CHST11: variants seen among roughly 807,000 people sequenced by gnomAD.
CHST11 encodes C4S-1.
Under a neutral mutation model 30.4 loss-of-function variants are expected in CHST11, and 9 were observed. That is an observed-to-expected ratio of 0.30 (90% confidence interval 0.18 to 0.52). The LOEUF (loss-of-function observed/expected upper bound fraction) is 0.52, where lower values mean the gene tolerates loss of function less well. Among genes scored for constraint, CHST11 ranks in the 20% least tolerant of loss-of-function variants. The pLI is 0.97. For missense variants in CHST11, 348 were observed against 460.6 expected (o/e 0.76, Z 2.24); for synonymous variants, 152 against 187.8 (o/e 0.81, Z 1.56).
intron 2 of CHST11, among the ~76,000 whole-genome samples, chr12:104,733,897 T>C (rs1358422298): frequency 6.6e-6 from 1 of 152,164 alleles, no homozygotes; most frequent in Non-Finnish European, 1.5e-5. Context: ...CGGGGGGCGC[T>C]TTGAGCCTTC....
chr12:104,724,992 A>G (rs2040205676), intron 2 of CHST11, among the ~76,000 whole-genome samples: 1 of 152,096 alleles, frequency 6.6e-6, no homozygotes, highest in South Asian at 2.1e-4. Flanking sequence ...AATTCTCCCC[A>G]GTGTGTCTTG....
chr12:104,746,073 GT>G (rs1423991763), intron 2 of CHST11, among the ~76,000 whole-genome samples: 5 of 152,184 alleles, frequency 3.3e-5, no homozygotes, highest in African/African-American at 1.2e-4. Context: ...TTGGCTCTGG[GT>G]TTGAATTCTG....
In CHST11 at chr12:104,680,201, TAAG is replaced by T. The variant is rs541368407; in HGVS notation, c.205-76743_205-76741del. 9.2e-5 allele frequency among the ~76,000 whole-genome samples: 14 copies of T among 152,328 alleles called. No individual in the cohort carries two copies. In the South Asian group the frequency reaches 2.5e-3, roughly 27 times the overall value. On this transcript the variant is annotated intron_variant, in intron 2 of 2. Transcript: ENST00000303694. Reference sequence around the variant, plus strand: ...ACGCAGGTGATAGCAAATAGATATATAAGAAGATACAAGGTAGTAATAGCATGA... The same window carrying T: ...ACGCAGGTGATAGCAAATAGATATATAAGATACAAGGTAGTAATAGCATGA...
chr12:104,654,581 C>T (rs540410513), intron 2 of CHST11, among the ~76,000 whole-genome samples: 2 of 152,234 alleles, frequency 1.3e-5, no homozygotes, highest in African/African-American at 4.8e-5. Flanking sequence ...AGGAGTCCAC[C>T]TGGCAGGGAA....
At chr12:104,743,943 T>TC (rs1252640668) in intron 2 of CHST11, among the ~76,000 whole-genome samples, 3 of 152,192 alleles carry the variant, frequency 2.0e-5, no homozygotes, top group African/African-American at 4.8e-5. Flanking sequence ...ATGATCTCTC[T>TC]TTTTTTATGG....
At chr12:104,735,917 G>T (rs1330511202) in intron 2 of CHST11, among the ~76,000 whole-genome samples, 1 of 152,172 alleles carries the variant, frequency 6.6e-6, no homozygotes, top group African/African-American at 2.4e-5. Context: ...AGAAACTAGG[G>T]GATTGTCAGC....
chr12:104,567,561 C>G (rs2038580383), intron 1 of CHST11, among the ~76,000 whole-genome samples: 1 of 152,118 alleles, frequency 6.6e-6, no homozygotes, highest in South Asian at 2.1e-4. Context: ...TAGTTCCATT[C>G]CTGTTGAAAC....
intron 2 of CHST11, among the ~76,000 whole-genome samples, chr12:104,744,391 A>G (rs577412118): frequency 5.9e-5 from 9 of 152,240 alleles, no homozygotes; most frequent in East Asian, 3.9e-4. Flanking sequence ...TGTTGGCCTC[A>G]TGTATGTCTT....
chr12:104,577,055 G>C (rs2038690181), intron 1 of CHST11, among the ~76,000 whole-genome samples: 1 of 151,942 alleles, frequency 6.6e-6, no homozygotes, highest in African/African-American at 2.4e-5. Context: ...AATGACTGTG[G>C]GTTCAGTCTA....
chr12:104,559,939 C>G (rs2038496804), intron 1 of CHST11, among the ~76,000 whole-genome samples: 1 of 152,066 alleles, frequency 6.6e-6, no homozygotes, highest in South Asian at 2.1e-4. Context: ...TACTTTTGCA[C>G]CAACCTAATA....
chr12:104,574,264 G>A (rs1324109081), intron 1 of CHST11, among the ~76,000 whole-genome samples: 1 of 152,164 alleles, frequency 6.6e-6, no homozygotes, highest in Non-Finnish European at 1.5e-5. Flanking sequence ...CTGTTGGTGG[G>A]AGTGTAAACT....
chr12:104,514,449 G>A, intron 1 of CHST11: 1 of 820,376 alleles, frequency 1.2e-6, no homozygotes, highest in Non-Finnish European at 2.1e-6. Context: ...AGACTCTGTG[G>A]GGGTCACCTG....
At chr12:104,583,556 T>TC (rs2038769326) in intron 1 of CHST11, among the ~76,000 whole-genome samples, 1 of 152,126 alleles carries the variant, frequency 6.6e-6, no homozygotes, top group African/African-American at 2.4e-5. Context: ...GTCTGGGGCC[T>TC]CCCCTATTCA....
intron 1 of CHST11, among the ~76,000 whole-genome samples, chr12:104,562,478 C>G (rs976107665): frequency 4.6e-5 from 7 of 152,200 alleles, no homozygotes; most frequent in African/African-American, 1.7e-4. Flanking sequence ...CTTGAGCCTT[C>G]CAGAACCTTC....
At chr12:104,590,180 G>C (rs111377776) in intron 1 of CHST11, among the ~76,000 whole-genome samples, 1 of 152,066 alleles carries the variant, frequency 6.6e-6, no homozygotes, top group Non-Finnish European at 1.5e-5. Context: ...TGGCCTGCAC[G>C]TGCGCTGTCT....
At chr12:104,576,128 C>T (rs2038681668) in intron 1 of CHST11, among the ~76,000 whole-genome samples, 2 of 152,006 alleles carry the variant, frequency 1.3e-5, no homozygotes, top group Admixed American at 1.3e-4. Context: ...TGGTGGTTCA[C>T]GTTAAGTATT....
At chr12:104,510,492 T>G (rs2037953881) in intron 1 of CHST11, among the ~76,000 whole-genome samples, 1 of 152,254 alleles carries the variant, frequency 6.6e-6, no homozygotes, top group Admixed American at 6.5e-5. Flanking sequence ...GGAAACACCA[T>G]GCCCACCTTG....
chr12:104,633,685 G>A (rs553152137), intron 2 of CHST11, among the ~76,000 whole-genome samples: 38 of 151,964 alleles, frequency 2.5e-4, no homozygotes, highest in African/African-American at 8.7e-4. Flanking sequence ...AAAGTGCTGG[G>A]ATTACAGGCA....
chr12:104,557,892 T>G (rs1304572203), intron 1 of CHST11, among the ~76,000 whole-genome samples: 1 of 151,458 alleles, frequency 6.6e-6, no homozygotes, highest in African/African-American at 2.4e-5. Context: ...TTCGTGGGGG[T>G]GTAGGTCTGA....
Sources: gnomAD v4.1 joint callset for allele counts (sites outside exome capture counted in the v4.1 genomes callset) on GRCh38, gnomAD v4.1.1 for gene constraint, MANE v1.5 for transcripts, NCBI Gene and HGNC (gene_info 2026-07-23, HGNC 2026-07-21) for gene names.